Variants in PDE4D observed in about 807,000 individuals in gnomAD.
PDE4D encodes phosphodiesterase 4D.
In PDE4D, 24 loss-of-function variants were observed where a neutral mutation model predicts 87.4. That is an observed-to-expected ratio of 0.27 (90% CI 0.20 to 0.39). PDE4D has a LOEUF of 0.39. PDE4D is among the 10% of genes least tolerant of loss of function. PDE4D has a pLI of 1.00. For missense variants in PDE4D, 714 were observed against 1,041.0 expected, an observed-to-expected ratio of 0.69 and a Z score of 4.32; for synonymous variants, 384 against 383.2, an observed-to-expected ratio of 1.00 and a Z score of -0.02.
At chr5:60,460,869 C>T (rs2150171207) in intron 1 of PDE4D, 1 of 400,406 alleles carries the variant, frequency 2.5e-6, no homozygotes, top group African/African-American at 2.0e-5. Context: ...GATCCCTTTA[C>T]ACTATTAATT....
chr5:59,996,579 T>C (rs1763546116), intron 2 of PDE4D, among the ~76,000 whole-genome samples: 1 of 152,166 alleles, frequency 6.6e-6, no homozygotes, highest in South Asian at 2.1e-4. Flanking sequence ...TAATGGAAAA[T>C]GAGCCTTAAA....
At chr5:59,845,244 A>G (rs541618373) in intron 1 of PDE4D, among the ~76,000 whole-genome samples, 2 of 152,190 alleles carry the variant, frequency 1.3e-5, no homozygotes, top group East Asian at 3.9e-4. Context: ...AGTTAGTGGT[A>G]GTTTCTGACC....
At position 59,754,797 on chromosome 5, in the gene PDE4D, A is replaced by ATTTTTTTTTTT. The variant is rs754869518; in HGVS notation, c.455+138360_455+138370dup. On this transcript the variant is annotated intron_variant, in intron 1 of 14. Coordinates refer to ENST00000340635, the MANE Select transcript of PDE4D (RefSeq NM_001104631.2). ...GCAGGTACAGAATTTTCCACAGAACATTTTTTTTTTTTTTTTTTTTTTTTT... is the reference window on the plus strand; with the variant it reads ...GCAGGTACAGAATTTTCCACAGAACATTTTTTTTTTTTTTTTTTTTTTTTTTTTTTTTTTTT... Among the ~76,000 whole-genome samples, 36 of 96,902 alleles carry ATTTTTTTTTTT rather than the reference A, an allele frequency of 3.7e-4. 7 individuals carry two copies. The highest frequency in any genetic ancestry group is 3.0e-4 in the Non-Finnish European group (15 of 49,870). The allele number at this position is 96,902 out of a possible 152,430, so 63.6% of individuals were successfully genotyped here. A position where few individuals can be genotyped will look rare whatever the true frequency, so the allele number is the denominator to read the frequency against.
At chr5:59,437,311 G>A (rs928812885) in intron 1 of PDE4D, among the ~76,000 whole-genome samples, 11 of 152,172 alleles carry the variant, frequency 7.2e-5, no homozygotes, top group East Asian at 1.9e-4. Flanking sequence ...TGACTTCTTC[G>A]ACAGATGTCC....
intron 1 of PDE4D, among the ~76,000 whole-genome samples, chr5:59,672,393 A>G (rs1032430394): frequency 4.6e-5 from 7 of 152,202 alleles, no homozygotes; most frequent in Admixed American, 6.5e-5. Flanking sequence ...AAAAGTTTAT[A>G]TCACCCACAA....
At chr5:59,236,223 A>G (rs148213432) in intron 1 of PDE4D, among the ~76,000 whole-genome samples, 7 of 152,228 alleles carry the variant, frequency 4.6e-5, no homozygotes, top group African/African-American at 1.7e-4. Flanking sequence ...TAACGCAAAG[A>G]TAAGAACTGA....
intron 1 of PDE4D, among the ~76,000 whole-genome samples, chr5:59,831,327 A>T (rs1741177561): frequency 6.7e-5 from 1 of 14,884 alleles, no homozygotes; most frequent in Non-Finnish European, 1.4e-4. Flanking sequence ...AATTATTCTC[A>T]AAAAAAAAAA....
At chr5:59,095,394 A>G (rs1293295271) in intron 5 of PDE4D, among the ~76,000 whole-genome samples, 1 of 151,892 alleles carries the variant, frequency 6.6e-6, no homozygotes, top group Non-Finnish European at 1.5e-5. Context: ...GTATTATAGT[A>G]TTCTTTTACA....
intron 1 of PDE4D, among the ~76,000 whole-genome samples, chr5:60,241,795 C>T (rs942301865): frequency 6.6e-6 from 1 of 151,978 alleles, no homozygotes; most frequent in Non-Finnish European, 1.5e-5. Flanking sequence ...TATCAATATC[C>T]AAGTATAAGA....
At chr5:58,976,817 A>G (rs1242130168) in intron 12 of PDE4D, among the ~76,000 whole-genome samples, 3 of 152,206 alleles carry the variant, frequency 2.0e-5, no homozygotes, top group Non-Finnish European at 4.4e-5. Flanking sequence ...AGATGCATAG[A>G]AAAAAGAGTA....
intron 2 of PDE4D, among the ~76,000 whole-genome samples, chr5:59,199,425 T>A (rs1431383878): frequency 1.3e-5 from 2 of 152,154 alleles, no homozygotes; most frequent in Non-Finnish European, 2.9e-5. Context: ...TTTCATCTTC[T>A]GTGCTTCACT....
At chr5:60,363,557 C>T (rs998940616) in intron 1 of PDE4D, among the ~76,000 whole-genome samples, 10 of 152,090 alleles carry the variant, frequency 6.6e-5, no homozygotes, top group African/African-American at 2.4e-4. Flanking sequence ...GAAGGTACTG[C>T]TTTCACAAGG....
rs73758513 is a variant in PDE4D, at chr5:59,477,112, C to G, written c.456-261144G>C. ...CAATTGACAGAATATATAAAGGCAA[C>G]TGTAAAAACCACCTACAAAAAATTA... On this transcript the variant is annotated intron_variant, in intron 1 of 14. Coordinates refer to ENST00000340635, the MANE Select transcript of PDE4D (RefSeq NM_001104631.2). Among the ~76,000 whole-genome samples, 1,150 of 151,758 alleles carry G rather than the reference C, an allele frequency of 7.6e-3. 16 individuals are homozygous for G. Among genetic ancestry groups the G allele is most frequent in the African/African-American group, 0.025 (1,047 of 41,462 alleles).
At chr5:60,048,933 T>G (rs1484837700) in intron 2 of PDE4D, among the ~76,000 whole-genome samples, 1 of 152,246 alleles carries the variant, frequency 6.6e-6, no homozygotes, top group East Asian at 1.9e-4. Flanking sequence ...ATTGGGGAAG[T>G]TCTCCTGGAT....
chr5:60,394,766 G>C (rs1336527089), intron 1 of PDE4D, among the ~76,000 whole-genome samples: 1 of 152,120 alleles, frequency 6.6e-6, no homozygotes, highest in East Asian at 1.9e-4. Flanking sequence ...AACTTGTCTT[G>C]TCTATTTACA....
chr5:60,139,234 A>G lies in PDE4D; in HGVS notation c.42+46323T>C, dbSNP rs573992576. Among the ~76,000 whole-genome samples, 3 of 152,258 alleles carry G rather than the reference A, an allele frequency of 2.0e-5. No homozygotes were observed. In the East Asian group the frequency reaches 5.8e-4, roughly 29 times the overall value. On this transcript the variant is annotated intron_variant, in intron 2 of 16. Coordinates refer to the PDE4D transcript ENST00000502484. ...TCCTAAATAGACTAATTCATTCACA[A>G]TAATGGAAGCTTAGGTTCATTACAT...
intron 2 of PDE4D, among the ~76,000 whole-genome samples, chr5:59,199,471 G>A (rs1746239549): frequency 6.6e-6 from 1 of 151,970 alleles, no homozygotes; most frequent in Admixed American, 6.6e-5. Flanking sequence ...TCTGAAGTTT[G>A]TCAATAGGAT....
intron 1 of PDE4D, among the ~76,000 whole-genome samples, chr5:60,421,571 C>T (rs1743102617): frequency 1.3e-5 from 2 of 152,168 alleles, no homozygotes; most frequent in Non-Finnish European, 2.9e-5. Flanking sequence ...GTTGATAAAA[C>T]CAAAAAGATG....
intron 1 of PDE4D, among the ~76,000 whole-genome samples, chr5:59,708,905 C>CTTTTTTTTT (rs1163498058): frequency 7.4e-6 from 1 of 135,340 alleles, no homozygotes; most frequent in African/African-American, 2.7e-5. Flanking sequence ...TCTCATCTGG[C>CTTTTTTTTT]TTTTTTTTTT....
Sources: allele counts gnomAD v4.1 joint callset (sites outside exome capture counted in the v4.1 genomes callset), GRCh38; gene constraint gnomAD v4.1.1; transcripts MANE v1.5; gene names NCBI Gene and HGNC (gene_info 2026-07-23, HGNC 2026-07-21).